Variants in ACTR2 observed in about 807,000 individuals in gnomAD.
ACTR2 encodes actin-related protein 2.
Under a neutral mutation model 50.2 loss-of-function variants are expected in ACTR2, and 5 were observed. The ratio of observed to expected loss-of-function variants is 0.10; its 90% CI spans 0.05 to 0.21. The LOEUF (loss-of-function observed/expected upper bound fraction) is 0.21. Among genes scored for constraint, ACTR2 ranks in the 10% least tolerant of loss-of-function variants. The pLI is 1.00. For synonymous variants in ACTR2, 140 were observed against 162.9 expected (o/e 0.86, Z 1.07); for missense variants, 180 against 480.6 (o/e 0.37, Z 5.85).
chr2:65,262,690 G>C, intron 7 of ACTR2, among the ~76,000 whole-genome samples: 1 of 152,040 alleles, frequency 6.6e-6, no homozygotes, highest in Non-Finnish European at 1.5e-5. Context: ...AGGGGTGGTG[G>C]CTTCTGGCTG....
At chr2:65,265,287 A>G (rs758876809) in intron 8 of ACTR2, 112 bp downstream of exon 8, 1 of 1,201,394 alleles carries the variant, frequency 8.3e-7, no homozygotes, top group South Asian at 1.2e-5. Context: ...ACAAATTCCT[A>G]CTGCAGTCAA....
At chr2:65,267,941 A>G (rs1316030178) in intron 8 of ACTR2, among the ~76,000 whole-genome samples, 1 of 119,764 alleles carries the variant, frequency 8.3e-6, no homozygotes, top group East Asian at 2.6e-4. Flanking sequence ...GGTTTACGTC[A>G]TTCTCCTGCC....
At chr2:65,239,994 A>C (rs1197693618) in intron 2 of ACTR2, 32 bp downstream of exon 2, 2 of 1,387,746 alleles carry the variant, frequency 1.4e-6, no homozygotes, top group Admixed American at 3.4e-5. Context: ...AATGATAATC[A>C]AGACATGTGA....
At chr2:65,244,028 A>G (rs1444260947) in intron 2 of ACTR2, among the ~76,000 whole-genome samples, 3 of 152,152 alleles carry the variant, frequency 2.0e-5, no homozygotes, top group African/African-American at 7.2e-5. Flanking sequence ...TACTTCTTAA[A>G]TAAGTTAATA....
At chr2:65,264,609 C>G (rs1217490855) in intron 7 of ACTR2, among the ~76,000 whole-genome samples, 2 of 151,922 alleles carry the variant, frequency 1.3e-5, no homozygotes, top group Non-Finnish European at 2.9e-5. Flanking sequence ...AGCAGACAGC[C>G]TCTAAGCAAA....
chr2:65,261,499 A>T (rs1672267301), intron 7 of ACTR2, 107 bp downstream of exon 7: 12 of 1,104,736 alleles, frequency 1.1e-5, no homozygotes, highest in Admixed American at 3.1e-5. Context: ...GACTAAGTTT[A>T]TAAACTTACT....
chr2:65,260,601 A>G (rs1412060587), intron 6 of ACTR2, among the ~76,000 whole-genome samples: 2 of 152,236 alleles, frequency 1.3e-5, no homozygotes, highest in Non-Finnish European at 2.9e-5. Context: ...CTGTAGTAAC[A>G]CATACCAGCA....
intron 1 of ACTR2, among the ~76,000 whole-genome samples, chr2:65,236,031 G>A (rs994226815): frequency 7.2e-5 from 11 of 152,150 alleles, no homozygotes; most frequent in African/African-American, 2.4e-4. Flanking sequence ...TGTCATGACT[G>A]TAACATATTT....
chr2:65,236,348 AAAGAC>A (rs1671738340), intron 1 of ACTR2, among the ~76,000 whole-genome samples: 1 of 151,974 alleles, frequency 6.6e-6, no homozygotes, highest in African/African-American at 2.4e-5. Context: ...AAAAAAAAAA[AAAGAC>A]AAGTGAAATT....
intron 1 of ACTR2, among the ~76,000 whole-genome samples, chr2:65,234,159 A>G (rs897126757): frequency 1.3e-5 from 2 of 151,452 alleles, no homozygotes; most frequent in African/African-American, 4.9e-5. Context: ...CAATCCACCC[A>G]CTTTGGCTTC....
At chr2:65,259,339 T>G (rs1672217811) in intron 6 of ACTR2, among the ~76,000 whole-genome samples, 1 of 152,110 alleles carries the variant, frequency 6.6e-6, no homozygotes, top group African/African-American at 2.4e-5. Context: ...GGAGAATCCC[T>G]TGAATCTGGG....
chr2:65,249,284 G>T (rs1462124429), intron 3 of ACTR2, among the ~76,000 whole-genome samples: 1 of 152,122 alleles, frequency 6.6e-6, no homozygotes, highest in African/African-American at 2.4e-5. Context: ...TATTTTTAAA[G>T]CCTGTATTAA....
rs572719866 is a variant in ACTR2 at position 65,269,135 on chromosome 2, G to A, written c.*401G>A. 2.9e-4 allele frequency: 45 copies of A among 157,394 alleles called. 1 individual carries two copies. The highest frequency in any genetic ancestry group is 5.4e-4 in the Non-Finnish European group (39 of 71,764). The allele number at this position is 157,394 out of a possible 1,614,324, so 9.7% of individuals were successfully genotyped here. A position where few individuals can be genotyped will look rare whatever the true frequency, so the allele number is the denominator to read the frequency against. On this transcript the variant is annotated 3_prime_UTR_variant, in exon 9 of 9. Transcript: ENST00000260641. ...AACAGGAGCTTTTACATATTACTGGGATGGGGGGTGGTTCGGGATGGGTGG... is the reference window on the plus strand; with the variant it reads ...AACAGGAGCTTTTACATATTACTGGAATGGGGGGTGGTTCGGGATGGGTGG...
At chr2:65,265,815 C>T (rs1253653557) in intron 8 of ACTR2, among the ~76,000 whole-genome samples, 3 of 152,160 alleles carry the variant, frequency 2.0e-5, no homozygotes, top group Non-Finnish European at 4.4e-5. Context: ...GTATACTTAA[C>T]CAAGAGTTAT....
At chr2:65,230,249 T>G (rs1038031972) in intron 1 of ACTR2, among the ~76,000 whole-genome samples, 7 of 152,096 alleles carry the variant, frequency 4.6e-5, no homozygotes, top group Admixed American at 4.6e-4. Flanking sequence ...TTTAAAATTT[T>G]TTGTTTTGTG....
chr2:65,261,221 A>G (rs1450132904), intron 6 of ACTR2, 26 bp from the exon 7 acceptor site: 9 of 1,613,214 alleles, frequency 5.6e-6, no homozygotes, highest in Non-Finnish European at 7.6e-6. Flanking sequence ...TTTGCTGATT[A>G]GTACCTGATT....
intron 1 of ACTR2, among the ~76,000 whole-genome samples, chr2:65,236,188 A>C (rs550068064): frequency 2.6e-5 from 4 of 152,106 alleles, no homozygotes; most frequent in East Asian, 1.9e-4. Context: ...AAAATACAAA[A>C]ATTAGCTGGG....
rs1426528007 is a variant in ACTR2, at chr2:65,270,100, A to C, written c.*1366A>C. 1 of 152,228 alleles carries C rather than the reference A, an allele frequency of 6.6e-6. No homozygotes were observed. The highest frequency in any genetic ancestry group is 2.4e-5 in the African/African-American group (1 of 41,468). 9.4% of individuals were successfully genotyped at this position (152,228 alleles called of 1,614,324 possible). On this transcript the variant is annotated 3_prime_UTR_variant, in exon 9 of 9. Transcript: ENST00000260641. ...TCTGAAAAAAATACCAAATAGTACC[A>C]TACATGAGTTATTTCTAAGTTTGAA...
At chr2:65,249,313 A>T (rs376559557) in intron 3 of ACTR2, among the ~76,000 whole-genome samples, 27 of 152,278 alleles carry the variant, frequency 1.8e-4, no homozygotes, top group East Asian at 1.7e-3. Flanking sequence ...TTTTGTATTA[A>T]GTGTTTTGAA....
Sources: allele counts gnomAD v4.1 joint callset (sites outside exome capture counted in the v4.1 genomes callset), GRCh38; gene constraint gnomAD v4.1.1; transcripts MANE v1.5; gene names NCBI Gene and HGNC (gene_info 2026-07-23, HGNC 2026-07-21).